Variants in CYP2D6 observed in about 807,000 individuals in gnomAD.
The protein encoded by CYP2D6 is cytochrome P450 family 2 subfamily D member 6 (gene/pseudogene).
In CYP2D6, 51 loss-of-function variants were observed where a neutral mutation model predicts 43.5. That is an observed-to-expected ratio of 1.17 (90% confidence interval 0.94 to 1.48). The LOEUF is 1.48. Ranked by LOEUF, CYP2D6 falls within the 40% of genes most tolerant of loss-of-function variation. The pLI is 0.00. For missense variants in CYP2D6, 698 were observed against 688.0 expected, an observed-to-expected ratio of 1.01 and a Z score of -0.16; for synonymous variants, 346 against 297.1, an observed-to-expected ratio of 1.16 and a Z score of -1.69.
intron 2 of CYP2D6, 182 bp from the exon 3 acceptor site, chr22:42,129,367 T>TCGTCTCTGCCCACCC: frequency 1.1e-6 from 1 of 927,592 alleles, no homozygotes; most frequent in Non-Finnish European, 1.7e-6. Flanking sequence ...TTGCCCCACC[T>TCGTCTCTGCCCACCC]CGTCTCTGCC....
In CYP2D6 at chr22:42,128,921, G is replaced by A. The variant is rs779726125; in HGVS notation, c.529C>T (p.Leu177Phe). 5.6e-6 allele frequency: 9 copies of A among 1,592,986 alleles called. No homozygotes were observed. The highest frequency in any genetic ancestry group is 3.6e-5 in the Admixed American group (2 of 56,242). Residue 177 changes from leucine to phenylalanine, a missense_variant, in exon 4 of 9, where the codon CTC (leucine) becomes TTC (phenylalanine). Physicochemically the swap from Leu to Phe is conservative, Grantham distance 22 (BLOSUM62 0). Around this residue, in one of 5 missense-constraint regions of CYP2D6, gnomAD observed 588 missense variants for 521.1 expected, o/e 1.13. Transcript: ENST00000645361. ...ACGTTGCTCACGGCTTTGTCCAAGA[G>A]ACCGTTGGGGCGAAAGGGGCGTCCT... ...HSGRPFRPNG[L>F]LDKAVSNVIA...
chr22:42,127,157 G>A (rs1367117642), intron 7 of CYP2D6, among the ~76,000 whole-genome samples, 165 bp from the exon 8 acceptor site: 3 of 150,964 alleles, frequency 2.0e-5, no homozygotes, highest in Admixed American at 6.6e-5. Context: ...CCACAGCAGG[G>A]CGCAGTCACA....
At chr22:42,127,806 C>G in intron 6 of CYP2D6, 36 bp downstream of exon 6, 5 of 1,607,802 alleles carry the variant, frequency 3.1e-6, no homozygotes, top group Non-Finnish European at 4.3e-6. Context: ...TACCCTTCCT[C>G]CCTCGGCCCC....
At position 42,127,694 on chromosome 22, in the gene CYP2D6, C is replaced by T. The variant is rs1324481946; in HGVS notation, c.986-60G>A. The T allele has an allele frequency of 1.1e-5, 18 of 1,582,588 alleles. No homozygotes were observed. In the Admixed American group the frequency reaches 1.5e-4, roughly 13 times the overall value. ...CCCAGGGGGTCCGGCCCTGACACTC[C>T]TTCTTGCCTCCTATGTTGGAGGAGG... On this transcript the variant is annotated intron_variant, in intron 6 of 8. Coordinates refer to ENST00000645361, the MANE Select transcript of CYP2D6 (RefSeq NM_000106.6).
rs1396192936 is a variant in CYP2D6, at chr22:42,128,259, TCA to T, written c.756_757del (p.Asp252GlufsTer5). The stretch of plus-strand genomic sequence containing the variant: ...GGTCATCCTGTGCTCAGTTAGCAGC[TCA>T]TCCAGCTGGGTCAGGAAAGCCTTTT... On this transcript the variant is annotated frameshift_variant, in exon 5 of 9. Transcript: ENST00000645361. LOFTEE classifies it high-confidence loss of function. 2.6e-5 allele frequency: 42 copies of T among 1,610,666 alleles called. No individual in the cohort carries two copies. Among genetic ancestry groups the T allele is most frequent in the Non-Finnish European group, 3.5e-5 (41 of 1,178,038 alleles).
chr22:42,127,250 C>T (rs1931071508), intron 7 of CYP2D6, among the ~76,000 whole-genome samples, 197 bp downstream of exon 7: 1 of 151,638 alleles, frequency 6.6e-6, no homozygotes, highest in African/African-American at 2.4e-5. Flanking sequence ...TTTGTCTCCC[C>T]ACTAGACGGG....
rs773966528 is a variant in CYP2D6 at position 42,127,536 on chromosome 22, C to T, written c.1084G>A (p.Glu362Lys). The change falls in exon 7 of 9, where the codon GAG (glutamate) becomes AAG (lysine). Residue 362 changes from glutamate to lysine, a missense_variant. Physicochemically the swap from Glu to Lys is moderately conservative, Grantham distance 56. This residue lies in a region of CYP2D6 where 588 missense variants were observed against 521.1 expected (regional missense o/e 1.13). Coordinates refer to ENST00000645361, the MANE Select transcript of CYP2D6 (RefSeq NM_000106.6). ...HMPYTTAVIH[E>K]VQRFGDIVPL... is the part of the protein sequence containing the mutation. Reference sequence around the variant, plus strand: ...ACGATGTCCCCAAAGCGCTGCACCTCATGAATCACGGCAGTGGTGTAGGGC... The same window carrying T: ...ACGATGTCCCCAAAGCGCTGCACCTTATGAATCACGGCAGTGGTGTAGGGC... 3 of 1,612,158 alleles carry T rather than the reference C, an allele frequency of 1.9e-6. No homozygotes were observed. Among genetic ancestry groups the T allele is most frequent in the Non-Finnish European group, 2.5e-6 (3 of 1,178,682 alleles).
In CYP2D6 at chr22:42,126,535, C is replaced by T; in HGVS notation, c.*39G>A. On this transcript the variant is annotated 3_prime_UTR_variant, in exon 9 of 9. Transcript: ENST00000645361. Reference sequence around the variant, plus strand: ...ACATTGCTTTATTGTACATTAGAGCCTCTGGCTAGGGAGCAGGCTGGGGAC... The same window carrying T: ...ACATTGCTTTATTGTACATTAGAGCTTCTGGCTAGGGAGCAGGCTGGGGAC... 6.6e-7 allele frequency: 1 copy of T among 1,525,206 alleles called. No individual in the cohort carries two copies. The highest frequency in any genetic ancestry group is 8.8e-7 in the Non-Finnish European group (1 of 1,134,476). The allele number at this position is 1,525,206 out of a possible 1,614,324, so 94.5% of individuals were successfully genotyped here. A position where few individuals can be genotyped will look rare whatever the true frequency, so the allele number is the denominator to read the frequency against.
intron 6 of CYP2D6, 24 bp downstream of exon 6, chr22:42,127,818 G>T: frequency 6.2e-7 from 1 of 1,609,650 alleles, no homozygotes; most frequent in Non-Finnish European, 8.5e-7. Context: ...CTCGGCCCCT[G>T]CACTGTTTCC....
In CYP2D6 at chr22:42,129,106, C is replaced by T. The variant is rs761483000; in HGVS notation, c.432G>A (p.Leu144=). The stretch of plus-strand genomic sequence containing the variant: ...CCCACTGCTCCAGCGACTTCTTGCC[C>T]AGGCCCAAGTTGCGCAAGGTGGACA... ...FSVSTLRNLG[L]GKKSLEQWVT... Residue 144 remains leucine (L), a synonymous_variant, in exon 3 of 9, where the codon CTG becomes CTA. Transcript: ENST00000645361. The T allele has an allele frequency of 1.4e-5, 23 of 1,610,660 alleles. No individual in the cohort carries two copies. The South Asian group carries it at 1.9e-4, about 13-fold the overall frequency.
At position 42,127,966 on chromosome 22, in the gene CYP2D6, C is replaced by T. The variant is rs1931217718; in HGVS notation, c.861G>A (p.Glu287=). Residue 287 remains glutamate, a synonymous_variant, in exon 6 of 9, where the codon GAG becomes GAA. Coordinates refer to ENST00000645361, the MANE Select transcript of CYP2D6 (RefSeq NM_000106.6). ...GCAGGTTCTCATCATTGAAGCTGCT[C>T]TCAGGGTTCCCCTTGGCCTGAGCAG... ...AEMEKAKGNP[E]SSFNDENLRI... The T allele has an allele frequency of 2.5e-6, 4 of 1,611,476 alleles. No individual in the cohort carries two copies. Among genetic ancestry groups the T allele is most frequent in the Admixed American group, 1.7e-5 (1 of 59,946 alleles).
chr22:42,129,249 C>T, intron 2 of CYP2D6, 64 bp from the exon 3 acceptor site: 2 of 1,565,168 alleles, frequency 1.3e-6, no homozygotes, highest in Non-Finnish European at 8.7e-7. Flanking sequence ...CCACCACCCA[C>T]TCCAACCCTA....
intron 2 of CYP2D6, chr22:42,129,518 C>T (rs1445768510): frequency 2.7e-6 from 2 of 745,086 alleles, no homozygotes; most frequent in Non-Finnish European, 2.3e-6. Context: ...ACCCATTGGG[C>T]TCCTGCCAGG....
In CYP2D6 at chr22:42,130,800, C is replaced by T. The variant is rs1424963771; in HGVS notation, c.-9G>A. Reference sequence around the variant, plus strand: ...AGTGCTTCTAGCCCCATACCTGCCTCACTACCAAATGGGCTCCTCTGGACA... The same window carrying T: ...AGTGCTTCTAGCCCCATACCTGCCTTACTACCAAATGGGCTCCTCTGGACA... On this transcript the variant is annotated 5_prime_UTR_variant, in exon 1 of 9. Transcript: ENST00000645361. The T allele has an allele frequency of 1.9e-6, 3 of 1,560,398 alleles. No individual in the cohort carries two copies. The highest frequency in any genetic ancestry group is 2.3e-5 in the East Asian group (1 of 42,636).
intron 2 of CYP2D6, 181 bp from the exon 3 acceptor site, chr22:42,129,366 C>T (rs1484944080): frequency 1.1e-6 from 1 of 928,754 alleles, no homozygotes; most frequent in East Asian, 2.6e-5. Context: ...TTTGCCCCAC[C>T]TCGTCTCTGC....
intron 2 of CYP2D6, 125 bp from the exon 3 acceptor site, chr22:42,129,310 G>A (rs1363591949): frequency 8.6e-6 from 11 of 1,277,694 alleles, no homozygotes; most frequent in Non-Finnish European, 1.2e-5. Flanking sequence ...TGGTCACAGG[G>A]CCCACTCTTT....
At chr22:42,129,424 C>T in intron 2 of CYP2D6, 1 of 767,892 alleles carries the variant, frequency 1.3e-6, no homozygotes, top group Non-Finnish European at 2.2e-6. Context: ...GGGCCCCGCG[C>T]CACCCACACT....
In CYP2D6 at chr22:42,127,010, G is replaced by A. The variant is rs571817217; in HGVS notation, c.1174-18C>T. On this transcript the variant is annotated intron_variant, in intron 7 of 8. Coordinates refer to ENST00000645361, the MANE Select transcript of CYP2D6 (RefSeq NM_000106.6). ...GTCGTTCCCTGGGCAGGAGATGCAGGGTGAGAGTGGGGACTGGACTCTAGG... is the reference window on the plus strand; with the variant it reads ...GTCGTTCCCTGGGCAGGAGATGCAGAGTGAGAGTGGGGACTGGACTCTAGG... 6.2e-5 allele frequency: 98 copies of A among 1,592,660 alleles called. 5 individuals carry two copies. In the South Asian group the frequency reaches 1.0e-3, roughly 17 times the overall value.
In CYP2D6 at chr22:42,127,356, G is replaced by T. The variant is rs28371729; in HGVS notation, c.1173+91C>A. The T allele has an allele frequency of 0.024, 31,124 of 1,295,748 alleles. 11 individuals carry two copies. The highest frequency in any genetic ancestry group is 0.03 in the Non-Finnish European group (26,946 of 909,752). 80.3% of individuals were successfully genotyped at this position (1,295,748 alleles called of 1,614,324 possible). A position where few individuals can be genotyped will look rare whatever the true frequency, so the allele number is the denominator to read the frequency against. ...TGGCATTGAGGACTAGGTGGCCAGG[G>T]TTCCTAGAGTGGGCCCACCTGGCAG... On this transcript the variant is annotated intron_variant, in intron 7 of 8. Coordinates refer to ENST00000645361, the MANE Select transcript of CYP2D6 (RefSeq NM_000106.6).
Sources: allele counts gnomAD v4.1 joint callset (sites outside exome capture counted in the v4.1 genomes callset), GRCh38; gene constraint gnomAD v4.1.1; regional missense constraint gnomAD v4.1.1; transcripts MANE v1.5; gene names NCBI Gene and HGNC (gene_info 2026-07-23, HGNC 2026-07-21).